Variants in OTOGL observed in about 807,000 individuals in gnomAD.
The protein encoded by OTOGL is otogelin like.
In OTOGL, 285 loss-of-function variants were observed where a neutral mutation model predicts 318.5. That is an observed-to-expected ratio of 0.89 (90% confidence interval 0.81 to 0.99). The LOEUF (loss-of-function observed/expected upper bound fraction) is 0.99. OTOGL is among the 50% of genes least tolerant of loss of function. OTOGL has a pLI of 0.00. For missense variants in OTOGL, 2,899 were observed against 2,845.6 expected (o/e 1.02, Z -0.43); for synonymous variants, 987 against 936.5 (o/e 1.05, Z -0.99).
intron 44 of OTOGL, among the ~76,000 whole-genome samples, chr12:80,342,409 T>A (rs1888840748): frequency 6.6e-6 from 1 of 152,178 alleles, no homozygotes; most frequent in Non-Finnish European, 1.5e-5. Context: ...AAAATGAAAG[T>A]TTGTCCTATG....
intron 1 of OTOGL, among the ~76,000 whole-genome samples, chr12:80,137,868 C>T (rs1025258007): frequency 5.9e-5 from 9 of 152,034 alleles, no homozygotes; most frequent in African/African-American, 2.2e-4. Context: ...ACCTGGTTCA[C>T]GTTGATAAAA....
chr12:80,144,026 G>T (rs1164629114), intron 1 of OTOGL, among the ~76,000 whole-genome samples: 1 of 151,162 alleles, frequency 6.6e-6, no homozygotes, highest in Non-Finnish European at 1.5e-5. Context: ...CATTGAAAAT[G>T]CTCTGTCGTT....
chr12:80,267,964 T>C (rs1387981149), intron 22 of OTOGL, among the ~76,000 whole-genome samples: 1 of 149,180 alleles, frequency 6.7e-6, no homozygotes, highest in East Asian at 1.9e-4. Context: ...TATTACTGAA[T>C]AGGCTCAAAA....
chr12:80,263,105 T>C (rs1882679768), intron 19 of OTOGL, among the ~76,000 whole-genome samples: 3 of 152,160 alleles, frequency 2.0e-5, no homozygotes, highest in Non-Finnish European at 4.4e-5. Flanking sequence ...TAAGCCAGCT[T>C]TTAAACTTGA....
chr12:80,208,411 A>G (rs1356780932), intron 1 of OTOGL, among the ~76,000 whole-genome samples: 2 of 152,172 alleles, frequency 1.3e-5, no homozygotes, highest in East Asian at 3.8e-4. Context: ...TTTGTTTCAT[A>G]AAGTACTTCT....
intron 29 of OTOGL, 79 bp from the exon 30 acceptor site, chr12:80,310,532 G>T: frequency 2.2e-6 from 2 of 908,444 alleles, no homozygotes; most frequent in South Asian, 1.5e-5. Flanking sequence ...CAATTGTAAT[G>T]AGTGAAGTTG....
chr12:80,211,532 C>T (rs979867198), intron 3 of OTOGL, among the ~76,000 whole-genome samples: 3 of 152,152 alleles, frequency 2.0e-5, no homozygotes, highest in African/African-American at 7.2e-5. Flanking sequence ...TGTTAACTTG[C>T]CCTTTATGAC....
chr12:80,309,726 G>A (rs921353522), intron 29 of OTOGL, among the ~76,000 whole-genome samples: 2 of 152,324 alleles, frequency 1.3e-5, no homozygotes, highest in Admixed American at 1.3e-4. Flanking sequence ...AGGGCAAAGA[G>A]GAGGAAATGA....
chr12:80,235,821 T>A (rs1385353470), intron 9 of OTOGL, among the ~76,000 whole-genome samples: 1 of 152,190 alleles, frequency 6.6e-6, no homozygotes, highest in Non-Finnish European at 1.5e-5. Context: ...TTCACAATGT[T>A]ATTTGCTTCA....
chr12:80,336,968 C>T lies in OTOGL; in HGVS notation c.4824C>T (p.Pro1608=), dbSNP rs1172382512. 1.3e-6 allele frequency: 2 copies of T among 1,593,914 alleles called. No homozygotes were observed. Among genetic ancestry groups the T allele is most frequent in the Non-Finnish European group, 1.7e-6 (2 of 1,168,988 alleles). ...TTAAGAAGTTAAATGTGACAACACC[C>T]ATACATAAAATAATTGTCAATCGGT... is the stretch of plus-strand genomic sequence containing the variant. ...LCFKKLNVTT[P]IHKIIVNRLA... is the part of the protein sequence containing the mutation. The change falls in exon 42 of 59, where the codon CCC becomes CCT. Residue 1608 remains proline (P), a synonymous_variant. Transcript: ENST00000547103.
intron 29 of OTOGL, among the ~76,000 whole-genome samples, chr12:80,308,825 G>A (rs1287874092): frequency 6.6e-6 from 1 of 152,222 alleles, no homozygotes; most frequent in Non-Finnish European, 1.5e-5. Context: ...AAACCAGTCA[G>A]GTGTGGCGGC....
chr12:80,287,822 G>A (rs1397586762), intron 26 of OTOGL, among the ~76,000 whole-genome samples: 2 of 152,002 alleles, frequency 1.3e-5, no homozygotes, highest in Admixed American at 6.6e-5. Flanking sequence ...CCTGAATATA[G>A]CACAGCAATG....
chr12:80,286,583 C>T (rs1302914765), intron 26 of OTOGL, among the ~76,000 whole-genome samples: 1 of 152,150 alleles, frequency 6.6e-6, no homozygotes, highest in Admixed American at 6.5e-5. Flanking sequence ...GATTTGACTT[C>T]TTCCTGCCTT....
At chr12:80,329,629 C>A (rs1436004187) in intron 37 of OTOGL, among the ~76,000 whole-genome samples, 1 of 152,170 alleles carries the variant, frequency 6.6e-6, no homozygotes, top group Non-Finnish European at 1.5e-5. Flanking sequence ...ATTCTGGGCT[C>A]CTACCCTTGC....
chr12:80,263,983 C>CA (rs994042587), intron 19 of OTOGL, among the ~76,000 whole-genome samples: 1 of 151,752 alleles, frequency 6.6e-6, no homozygotes, highest in Admixed American at 6.6e-5. Context: ...ATTCTGAATG[C>CA]AAAAATATCA....
chr12:80,313,382 T>C (rs900849731), intron 30 of OTOGL, 94 bp from the exon 31 acceptor site: 2 of 1,248,934 alleles, frequency 1.6e-6, no homozygotes, highest in African/African-American at 1.5e-5. Context: ...GCTGATAATA[T>C]CAAACTTTGA....
At chr12:80,255,897 G>A (rs1377187548) in intron 16 of OTOGL, among the ~76,000 whole-genome samples, 3 of 151,536 alleles carry the variant, frequency 2.0e-5, no homozygotes, top group Non-Finnish European at 4.4e-5. Context: ...ATTAGAGTCT[G>A]AATTAACTTT....
Position 80,180,426 on chromosome 12 carries a change from CT to C in OTOGL, c.-19-28983del, listed in dbSNP as rs554719051. The stretch of plus-strand genomic sequence containing the variant: ...TTTAATATCAAAAGCCCATGGGCAA[CT>C]TTTGGCCATCATGTCATATGTGGTC... On this transcript the variant is annotated intron_variant, in intron 1 of 58. Transcript: ENST00000547103. Among the ~76,000 whole-genome samples, 23 of 152,310 alleles carry C rather than the reference CT, an allele frequency of 1.5e-4. No individual in the cohort carries two copies. The East Asian group carries it at 4.4e-3, about 29-fold the overall frequency.
intron 6 of OTOGL, among the ~76,000 whole-genome samples, chr12:80,221,885 T>C (rs1288999075): frequency 2.6e-5 from 4 of 152,342 alleles, no homozygotes; most frequent in Non-Finnish European, 2.9e-5. Context: ...CTTTTCTTCA[T>C]AACTACTTGG....
Sources: allele counts gnomAD v4.1 joint callset (sites outside exome capture counted in the v4.1 genomes callset), GRCh38; gene constraint gnomAD v4.1.1; transcripts MANE v1.5; gene names NCBI Gene and HGNC (gene_info 2026-07-23, HGNC 2026-07-21).